EIF3E: variants seen among roughly 807,000 people sequenced by gnomAD.
EIF3E encodes the protein eIF-3 p48.
Under a neutral mutation model 59.3 loss-of-function variants are expected in EIF3E, and 25 were observed. The observed-to-expected ratio is 0.42, with a 90% CI of 0.31 to 0.59. The LOEUF (loss-of-function observed/expected upper bound fraction) is 0.59, where lower values mean the gene tolerates loss of function less well. Ranked by LOEUF, EIF3E falls within the 20% of genes least tolerant of loss-of-function variation. The pLI, the probability that EIF3E is intolerant of heterozygous loss-of-function variation, is 0.15. For synonymous variants in EIF3E, 176 were observed against 170.2 expected (o/e 1.03, Z -0.26); for missense variants, 317 against 534.3 (o/e 0.59, Z 4.01).
chr8:108,206,795 C>A (rs376642647), intron 10 of EIF3E, among the ~76,000 whole-genome samples: 88 of 152,148 alleles, frequency 5.8e-4, no homozygotes, highest in African/African-American at 2.1e-3. Context: ...AGAACAAGAT[C>A]CTGTGTCTTT....
chr8:108,240,355 A>T (rs1348364016), intron 2 of EIF3E, among the ~76,000 whole-genome samples: 1 of 152,218 alleles, frequency 6.6e-6, no homozygotes, highest in East Asian at 1.9e-4. Context: ...GGGATGTGAA[A>T]GAAAAAAAGG....
intron 7 of EIF3E, among the ~76,000 whole-genome samples, chr8:108,224,682 G>A (rs1815486858): frequency 6.6e-6 from 1 of 151,514 alleles, no homozygotes; most frequent in African/African-American, 2.4e-5. Flanking sequence ...GGCTGTTTCT[G>A]TTCAAAGAAA....
intron 1 of EIF3E, among the ~76,000 whole-genome samples, chr8:108,243,651 A>G (rs1211403256): frequency 1.3e-5 from 2 of 150,002 alleles, no homozygotes; most frequent in Non-Finnish European, 3.0e-5. Flanking sequence ...AAAAAAAAAA[A>G]AAAAAAAAAG....
intron 5 of EIF3E, among the ~76,000 whole-genome samples, chr8:108,232,485 T>A (rs1468390641): frequency 6.6e-6 from 1 of 152,160 alleles, no homozygotes; most frequent in Non-Finnish European, 1.5e-5. Context: ...CCCTCAAATT[T>A]TTTTAAGACC....
chr8:108,219,507 A>G (rs1192811763), intron 7 of EIF3E, among the ~76,000 whole-genome samples: 4 of 152,230 alleles, frequency 2.6e-5, no homozygotes, highest in African/African-American at 4.8e-5. Context: ...TTAGAGGTCC[A>G]TATCATTAAA....
At chr8:108,229,742 G>A (rs1815586449) in intron 5 of EIF3E, among the ~76,000 whole-genome samples, 1 of 152,116 alleles carries the variant, frequency 6.6e-6, no homozygotes, top group Admixed American at 6.5e-5. Context: ...ATTATGTACT[G>A]AGCAATACAA....
rs767212192 is a variant in EIF3E at position 108,240,214 on chromosome 8, G to C, written c.206-139C>G. 1.0e-4 allele frequency: 74 copies of C among 726,836 alleles called. 1 individual carries two copies. The highest frequency in any genetic ancestry group is 1.7e-4 in the Admixed American group (8 of 47,328). 45.0% of individuals were successfully genotyped at this position (726,836 alleles called of 1,614,324 possible). ...ACCCCCAATATATTCATATGCCATG[G>C]GCTACTCAGTCAGAAATGTCCCCGA... On this transcript the variant is annotated intron_variant, in intron 2 of 12. Coordinates refer to ENST00000220849, the MANE Select transcript of EIF3E (RefSeq NM_001568.3).
chr8:108,217,835 G>A (rs1815331588), intron 7 of EIF3E, among the ~76,000 whole-genome samples: 1 of 152,138 alleles, frequency 6.6e-6, no homozygotes, highest in African/African-American at 2.4e-5. Context: ...GAAAACCTAT[G>A]TGCAAAGCAC....
chr8:108,248,036 GC>G (rs201568368), intron 1 of EIF3E, among the ~76,000 whole-genome samples: 8 of 126,772 alleles, frequency 6.3e-5, no homozygotes, highest in African/African-American at 2.4e-4. Flanking sequence ...GGGGGGGGGG[GC>G]GGGGGAGCGC....
At chr8:108,218,874 C>T (rs1370601538) in intron 7 of EIF3E, among the ~76,000 whole-genome samples, 1 of 145,608 alleles carries the variant, frequency 6.9e-6, no homozygotes, top group African/African-American at 2.5e-5. Context: ...ACCTCCGCTT[C>T]CCAGATTCAA....
chr8:108,215,504 G>C (rs1815285615), intron 9 of EIF3E, among the ~76,000 whole-genome samples: 2 of 152,036 alleles, frequency 1.3e-5, no homozygotes, highest in African/African-American at 4.8e-5. Context: ...TATGGTCCCA[G>C]CTACTTGGGA....
intron 10 of EIF3E, among the ~76,000 whole-genome samples, chr8:108,204,774 GAGAGAGAC>G (rs1182861870): frequency 0.029 from 3,508 of 122,836 alleles, 40 homozygotes; most frequent in Middle Eastern, 0.045. Context: ...GAGAGAGAGA[GAGAGAGAC>G]AGAGAGAGAG....
chr8:108,235,851 T>C (rs1054922158), intron 4 of EIF3E, among the ~76,000 whole-genome samples: 2 of 152,240 alleles, frequency 1.3e-5, no homozygotes, highest in African/African-American at 2.4e-5. Flanking sequence ...CTATGCCCTA[T>C]AATATATAAT....
intron 1 of EIF3E, among the ~76,000 whole-genome samples, chr8:108,244,655 A>G (rs1351482082): frequency 6.6e-6 from 1 of 151,840 alleles, no homozygotes; most frequent in Admixed American, 6.6e-5. Context: ...TGCCCTTTCT[A>G]ATTTTTGTAA....
chr8:108,246,242 T>C (rs978766248), intron 1 of EIF3E, among the ~76,000 whole-genome samples: 2 of 135,292 alleles, frequency 1.5e-5, no homozygotes, highest in Non-Finnish European at 3.1e-5. Flanking sequence ...TTTTGGACCA[T>C]GAGTAACTGG....
At chr8:108,203,353 G>A in intron 11 of EIF3E, 48 bp downstream of exon 11, 2 of 1,520,594 alleles carry the variant, frequency 1.3e-6, no homozygotes, top group Non-Finnish European at 1.8e-6. Context: ...ATTCCCAAAA[G>A]TATAATCAGG....
chr8:108,217,513 A>G lies in EIF3E; in HGVS notation c.723-53T>C. On this transcript the variant is annotated intron_variant, in intron 7 of 12. Transcript: ENST00000220849. ...TAACTTACCCAGGGTGAGATAAAGA[A>G]AACTCTCGAGCAGGTCATTAGATTG... The G allele has an allele frequency of 2.0e-6, 3 of 1,476,962 alleles. No homozygotes were observed. The South Asian group carries it at 3.7e-5, about 18-fold the overall frequency. 91.5% of individuals were successfully genotyped at this position (1,476,962 alleles called of 1,614,324 possible). A position where few individuals can be genotyped will look rare whatever the true frequency, so the allele number is the denominator to read the frequency against.
At chr8:108,224,112 C>T (rs1430552000) in intron 7 of EIF3E, among the ~76,000 whole-genome samples, 2 of 150,352 alleles carry the variant, frequency 1.3e-5, no homozygotes, top group East Asian at 3.9e-4. Context: ...GTCCCAGCTA[C>T]TCGGGAGGCT....
At chr8:108,213,598 A>G (rs1815250343) in intron 10 of EIF3E, among the ~76,000 whole-genome samples, 1 of 152,180 alleles carries the variant, frequency 6.6e-6, no homozygotes, top group South Asian at 2.1e-4. Context: ...AAACCTTAAA[A>G]ACAAAGAACA....
Sources: gnomAD v4.1 joint callset for allele counts (sites outside exome capture counted in the v4.1 genomes callset) on GRCh38, gnomAD v4.1.1 for gene constraint, MANE v1.5 for transcripts, NCBI Gene and HGNC (gene_info 2026-07-23, HGNC 2026-07-21) for gene names.